Variants in SLC38A7 observed in about 807,000 individuals in gnomAD.
SLC38A7 encodes sodium-coupled neutral amino acid transporter 7.
In SLC38A7, 29 loss-of-function variants were observed where a neutral mutation model predicts 50.1. The ratio of observed to expected loss-of-function variants is 0.58; its 90% confidence interval spans 0.43 to 0.79. The LOEUF is 0.79. SLC38A7 is among the 30% of genes least tolerant of loss of function. The pLI is 0.00. For missense variants in SLC38A7, 483 were observed against 610.6 expected (o/e 0.79, Z 2.20); for synonymous variants, 244 against 245.9 (o/e 0.99, Z 0.07).
intron 6 of SLC38A7, among the ~76,000 whole-genome samples, chr16:58,676,818 A>AT (rs750786165): frequency 1.3e-3 from 194 of 151,654 alleles, no homozygotes; most frequent in Non-Finnish European, 1.7e-3. Flanking sequence ...CACCCGGCTA[A>AT]TTTTTTTGTA....
chr16:58,672,261 TG>T lies in SLC38A7; in HGVS notation c.884-19del, dbSNP rs375387408. ...ACAGATGCCTGTGGGCAGGGACAAC[TG>T]GGTCAGGGCAACCCTGGGAGGGTAG... On this transcript the variant is annotated intron_variant, in intron 8 of 11. Coordinates refer to ENST00000219320, the MANE Select transcript of SLC38A7 (RefSeq NM_018231.3). 1 of 1,573,070 alleles carries T rather than the reference TG, an allele frequency of 6.4e-7. No homozygotes were observed. Among genetic ancestry groups the T allele is most frequent in the South Asian group, 1.2e-5 (1 of 85,476 alleles).
In SLC38A7 at chr16:58,665,648, C is replaced by T. The variant is rs1436049597; in HGVS notation, c.*1737G>A. On this transcript the variant is annotated 3_prime_UTR_variant, in exon 12 of 12. Coordinates refer to ENST00000219320, the MANE Select transcript of SLC38A7 (RefSeq NM_018231.3). ...AGGGGACAAGGAAATGCTAGGGGCT[C>T]CAGGTGGAGGAGGAAGTCTGATTGG... 1 of 152,672 alleles carries T rather than the reference C, an allele frequency of 6.5e-6. No homozygotes were observed. The highest frequency in any genetic ancestry group is 1.5e-5 in the Non-Finnish European group (1 of 68,554). 9.5% of individuals were successfully genotyped at this position (152,672 alleles called of 1,614,324 possible).
At chr16:58,668,299 G>A (rs1051095949) in intron 11 of SLC38A7, among the ~76,000 whole-genome samples, 2 of 151,988 alleles carry the variant, frequency 1.3e-5, no homozygotes, top group African/African-American at 4.8e-5. Flanking sequence ...AAATGGCTGG[G>A]TATGGTGGCT....
rs1266529842 is a variant in SLC38A7 at position 58,678,685 on chromosome 16, G to A, written c.469+11C>T. The stretch of plus-strand genomic sequence containing the variant: ...AGAAGAGATGGGGTAGGGACTGAGG[G>A]AGAAGCTCACTCTTGTCCTGCTGGT... On this transcript the variant is annotated intron_variant, in intron 4 of 11. Transcript: ENST00000219320. The surrounding 1 kb of genome is among the most constrained non-coding windows in gnomAD (Gnocchi z 4.0). 2 of 1,613,348 alleles carry A rather than the reference G, an allele frequency of 1.2e-6. No homozygotes were observed. Among genetic ancestry groups the A allele is most frequent in the Non-Finnish European group, 1.7e-6 (2 of 1,179,708 alleles).
In SLC38A7 at chr16:58,676,016, C is replaced by T. The variant is rs1335724671; in HGVS notation, c.807G>A (p.Gln269=). The T allele has an allele frequency of 1.3e-5, 21 of 1,613,762 alleles. No homozygotes were observed. The highest frequency in any genetic ancestry group is 1.7e-5 in the Non-Finnish European group (20 of 1,179,876). ...CACCCCAGGTCTTCACTTCAGGCTGCTGCATGCTGTTGAAGACGGGCACAC... is the reference window on the plus strand; with the variant it reads ...CACCCCAGGTCTTCACTTCAGGCTGTTGCATGCTGTTGAAGACGGGCACAC... ...VSSVPVFNSM[Q]QPEVKTWGGV... Residue 269 remains glutamine (Q), a synonymous_variant, in exon 8 of 12, where the codon CAG becomes CAA. Coordinates refer to ENST00000219320, the MANE Select transcript of SLC38A7 (RefSeq NM_018231.3).
intron 8 of SLC38A7, among the ~76,000 whole-genome samples, chr16:58,673,083 A>ATTTTTTTTTTTTTTTTT (rs34081609): frequency 3.3e-5 from 2 of 60,392 alleles, no homozygotes; most frequent in African/African-American, 1.9e-4. Flanking sequence ...TGCCCGGCTA[A>ATTTTTTTTTTTTTTTTT]TTTTTTTTTT....
rs1182642930 is a variant in SLC38A7 at position 58,678,788 on chromosome 16, A to G, written c.377T>C (p.Leu126Pro). 6.2e-7 allele frequency: 1 copy of G among 1,614,120 alleles called. No individual in the cohort carries two copies. Among genetic ancestry groups the G allele is most frequent in the Non-Finnish European group, 8.5e-7 (1 of 1,180,046 alleles). ...GGCCACCTCACATAGCACACCTGTC[A>G]GCTTGCCACACACAGCCCATACCAC... ...QEVVWAVCGK[L>P]TGVLCEVAIA... The change falls in exon 4 of 12, where the codon CTG becomes CCG. Residue 126 changes from leucine (L) to proline (P), a missense_variant. Transcript: ENST00000219320. The surrounding 1 kb of genome is among the most constrained non-coding windows in gnomAD (Gnocchi z 4.0).
intron 1 of SLC38A7, 187 bp from the exon 2 acceptor site, chr16:58,684,365 G>A (rs1163840338): frequency 6.6e-6 from 1 of 152,484 alleles, no homozygotes; most frequent in Non-Finnish European, 1.5e-5. Context: ...TAGAAAGGGT[G>A]GGCTGCTTTG....
In SLC38A7 at chr16:58,675,922, G is replaced by GT. The variant is rs559273584; in HGVS notation, c.883+17_883+18insA. ...GAGAGCACTCTAGTCCCAGGTCTTG[G>GT]GGGGGGGGAGCACTCACCTGTCCCC... On this transcript the variant is annotated intron_variant, in intron 8 of 11. Transcript: ENST00000219320. 1.3e-4 allele frequency: 119 copies of GT among 926,820 alleles called. 1 individual carries two copies. Among genetic ancestry groups the GT allele is most frequent in the African/African-American group, 8.4e-5 (2 of 23,748 alleles). The allele number at this position is 926,820 out of a possible 1,614,324, so 57.4% of individuals were successfully genotyped here.
rs768006481 is a variant in SLC38A7, at chr16:58,678,893, C to T, written c.272G>A (p.Gly91Asp). 1 of 1,612,446 alleles carries T rather than the reference C, an allele frequency of 6.2e-7. No homozygotes were observed. The highest frequency in any genetic ancestry group is 8.5e-7 in the Non-Finnish European group (1 of 1,179,986). Residue 91 changes from glycine (G) to aspartate (D), a missense_variant and splice_region_variant, in exon 4 of 12, where the codon GGT (glycine) becomes GAT (aspartate). Transcript: ENST00000219320. The surrounding 1 kb of genome is among the most constrained non-coding windows in gnomAD (Gnocchi z 4.0). ...GCCACTGATGATGAAAACCAGCATA[C>T]CCTGCAGGCAGAGGCAGAACAAGAG... ...GVAAGIALQM[G>D]MLVFIISGLV...
chr16:58,682,537 G>A (rs1442117880), intron 2 of SLC38A7, among the ~76,000 whole-genome samples: 1 of 152,022 alleles, frequency 6.6e-6, no homozygotes, highest in Admixed American at 6.5e-5. Context: ...AGAGCTCACT[G>A]CAGCCTCAAT....
chr16:58,670,400 G>C (rs537944640), intron 10 of SLC38A7, among the ~76,000 whole-genome samples: 1 of 152,230 alleles, frequency 6.6e-6, no homozygotes, highest in African/African-American at 2.4e-5. Context: ...CTCAGCTAAA[G>C]GGACAGCACT....
In SLC38A7 at chr16:58,672,155, G is replaced by C; in HGVS notation, c.972C>G (p.Ala324=). 2.6e-6 allele frequency: 4 copies of C among 1,565,104 alleles called. No homozygotes were observed. The highest frequency in any genetic ancestry group is 3.5e-6 in the Non-Finnish European group (4 of 1,154,944). ...GCACGCTCAGGATGATGAAGGCTCG[G>C]GCAACGGCCACGGCCATGTCCTCCG... ...YPSEDMAVAV[A]RAFIILSVLT... The change falls in exon 9 of 12, where the codon GCC becomes GCG. Residue 324 remains alanine, a synonymous_variant. Coordinates refer to ENST00000219320, the MANE Select transcript of SLC38A7 (RefSeq NM_018231.3).
intron 8 of SLC38A7, among the ~76,000 whole-genome samples, chr16:58,673,210 TAC>T (rs1376129255): frequency 6.8e-6 from 1 of 147,402 alleles, no homozygotes; most frequent in African/African-American, 2.5e-5. Context: ...CAGCTGGGAT[TAC>T]AGTCACCTGC....
rs369388877 is a variant in SLC38A7, at chr16:58,682,781, G to A, written c.-116+1174C>T. Among the ~76,000 whole-genome samples the A allele has an allele frequency of 2.1e-3, 325 of 152,046 alleles. 4 individuals are homozygous for A. The highest frequency in any genetic ancestry group is 7.1e-3 in the African/African-American group (295 of 41,458). ...TGAGTAGCTGGGATTACAGGTGCCC[G>A]CCACCATGCCTGGCTAATTTTTGTA... On this transcript the variant is annotated intron_variant, in intron 2 of 11. Transcript: ENST00000219320.
rs756106698 is a variant in SLC38A7 at position 58,675,924 on chromosome 16, G to GC, written c.883+15_883+16insG. Reference sequence around the variant, plus strand: ...GAGCACTCTAGTCCCAGGTCTTGGGGGGGGGGAGCACTCACCTGTCCCCAT... The same window carrying GC: ...GAGCACTCTAGTCCCAGGTCTTGGGGCGGGGGGAGCACTCACCTGTCCCCAT... On this transcript the variant is annotated intron_variant, in intron 8 of 11. Transcript: ENST00000219320. The GC allele has an allele frequency of 1.3e-5, 21 of 1,587,920 alleles. No homozygotes were observed. The highest frequency in any genetic ancestry group is 7.9e-5 in the South Asian group (7 of 88,574).
At chr16:58,680,429 T>A (rs112711550) in intron 2 of SLC38A7, among the ~76,000 whole-genome samples, 188 bp from the exon 3 acceptor site, 3,078 of 152,344 alleles carry the variant, frequency 0.02, 46 homozygotes, top group South Asian at 0.04. Context: ...CAAATCATGC[T>A]TGCTTCAGGC....
chr16:58,667,374 G>A lies in SLC38A7; in HGVS notation c.*11C>T. On this transcript the variant is annotated 3_prime_UTR_variant, in exon 12 of 12. Transcript: ENST00000219320. Reference sequence around the variant, plus strand: ...AATGGCAAAGGCCTTGTGTTCCCTGGGAGGCAGTGGTTATGCCAAGAGATC... The same window carrying A: ...AATGGCAAAGGCCTTGTGTTCCCTGAGAGGCAGTGGTTATGCCAAGAGATC... 6.2e-7 allele frequency: 1 copy of A among 1,613,726 alleles called. No homozygotes were observed. The highest frequency in any genetic ancestry group is 1.7e-5 in the Admixed American group (1 of 59,998).
chr16:58,674,379 C>G (rs928177696), intron 8 of SLC38A7, among the ~76,000 whole-genome samples: 1 of 151,874 alleles, frequency 6.6e-6, no homozygotes, highest in African/African-American at 2.4e-5. Context: ...TAGGCTCAAG[C>G]GATCCTCCCA....
Sources: allele counts gnomAD v4.1 joint callset (sites outside exome capture counted in the v4.1 genomes callset), GRCh38; gene constraint gnomAD v4.1.1; non-coding constraint Gnocchi (gnomAD v3.1); transcripts MANE v1.5; gene names NCBI Gene and HGNC (gene_info 2026-07-23, HGNC 2026-07-21).